MALRD1: variants seen among roughly 807,000 people sequenced by gnomAD.
MALRD1 encodes the protein MAM and LDL receptor class A domain containing 1, also known as MAM and LDL-receptor class A domain-containing protein 1.
MALRD1 carries 247 observed loss-of-function variants against 242.1 expected under a neutral mutation model. The ratio of observed to expected loss-of-function variants is 1.02; its 90% CI spans 0.92 to 1.13. The LOEUF is 1.13. Among genes scored for constraint, MALRD1 ranks in the 50% most tolerant of loss-of-function variants. The probability of loss-of-function intolerance (pLI) is 0.00; values close to 1 mark genes in which losing one functional copy is unlikely to be tolerated. For missense variants in MALRD1, 2,989 were observed against 2,533.1 expected (o/e 1.18, Z -3.86); for synonymous variants, 995 against 866.6 (o/e 1.15, Z -2.60).
chr10:19,324,211 T>A, intron 22 of MALRD1, 106 bp downstream of exon 22: 1 of 1,095,188 alleles, frequency 9.1e-7, no homozygotes, highest in Non-Finnish European at 1.3e-6. Context: ...AATGGACAAT[T>A]ACCAACACTT....
intron 38 of MALRD1, among the ~76,000 whole-genome samples, chr10:19,727,713 A>T (rs1055239811): frequency 1.3e-5 from 2 of 152,012 alleles, no homozygotes; most frequent in Admixed American, 1.3e-4. Context: ...GGGAAAAAAA[A>T]TCAACTGCTT....
At chr10:19,332,364 A>G (rs1735100625) in intron 24 of MALRD1, among the ~76,000 whole-genome samples, 1 of 151,944 alleles carries the variant, frequency 6.6e-6, no homozygotes, top group South Asian at 2.1e-4. Context: ...AGACAAAGTG[A>G]TCTCTCAAGG....
chr10:19,224,621 G>A (rs1837708058), intron 18 of MALRD1, among the ~76,000 whole-genome samples: 1 of 152,122 alleles, frequency 6.6e-6, no homozygotes, highest in East Asian at 1.9e-4. Flanking sequence ...ATGTTTATTG[G>A]CCGCATAAAT....
chr10:19,488,965 G>A lies in MALRD1; in HGVS notation c.5030-2552G>A, dbSNP rs182221105. 287 of 431,488 alleles carry A rather than the reference G, an allele frequency of 6.7e-4. 1 individual carries two copies. Among genetic ancestry groups the A allele is most frequent in the African/African-American group, 5.5e-3 (273 of 49,288 alleles). The allele number at this position is 431,488 out of a possible 1,614,324, so 26.7% of individuals were successfully genotyped here. ...CGTGTACTGAAAAAATTTAGCGGGG[G>A]CGGAGGAGAAGGCGGGCTCCCAATC... On this transcript the variant is annotated intron_variant, in intron 29 of 39. Coordinates refer to ENST00000454679, the MANE Select transcript of MALRD1 (RefSeq NM_001142308.3).
chr10:19,071,877 C>A (rs1835159166), intron 2 of MALRD1, among the ~76,000 whole-genome samples: 1 of 152,054 alleles, frequency 6.6e-6, no homozygotes, highest in African/African-American at 2.4e-5. Flanking sequence ...AATTTAATGT[C>A]CATTTATTCC....
chr10:19,721,552 G>A (rs1177757226), intron 38 of MALRD1: 1 of 151,544 alleles, frequency 6.6e-6, no homozygotes, highest in Non-Finnish European at 1.5e-5. Flanking sequence ...TCTCTCCCTA[G>A]TAGTAACAAA....
At position 19,567,534 on chromosome 10, in the gene MALRD1, C is replaced by A; in HGVS notation, c.5511C>A (p.Ile1837=). 8.4e-6 allele frequency: 13 copies of A among 1,550,278 alleles called. No homozygotes were observed. The highest frequency in any genetic ancestry group is 1.0e-5 in the Non-Finnish European group (12 of 1,146,900). The change falls in exon 33 of 40, where the codon ATC becomes ATA. Residue 1837 remains isoleucine, a synonymous_variant. Transcript: ENST00000454679. The part of the protein sequence containing the change: ...VYTIEESGLN[I]LVWSVIGNKR... Reference sequence around the variant, plus strand: ...CCATTGAAGAATCGGGGCTAAACATCCTGGTGTGGTCAGTGATTGGAAATA... The same window carrying A: ...CCATTGAAGAATCGGGGCTAAACATACTGGTGTGGTCAGTGATTGGAAATA...
At chr10:19,505,726 T>C (rs905902751) in intron 31 of MALRD1, among the ~76,000 whole-genome samples, 5 of 152,204 alleles carry the variant, frequency 3.3e-5, no homozygotes, top group African/African-American at 1.2e-4. Context: ...TTTCAACCAA[T>C]GATCACTGCT....
chr10:19,235,582 G>GAGAGAGAGAGAC (rs1838280207), intron 18 of MALRD1, among the ~76,000 whole-genome samples: 1 of 71,824 alleles, frequency 1.4e-5, no homozygotes, highest in Non-Finnish European at 3.2e-5. Flanking sequence ...CACCCACAGA[G>GAGAGAGAGAGAC]AGAGAGAGAG....
intron 18 of MALRD1, among the ~76,000 whole-genome samples, chr10:19,216,211 A>G (rs1837309966): frequency 6.9e-6 from 1 of 145,594 alleles, no homozygotes; most frequent in East Asian, 2.0e-4. Flanking sequence ...TCTGCCTCCC[A>G]AGGTCAAGTG....
chr10:19,315,557 T>C lies in MALRD1; in HGVS notation c.3420-8392T>C, dbSNP rs1321895735. ...ATATAAATATATAAAAATATAAATA[T>C]TATTTATATAAATATATAAATTATA... is the stretch of plus-strand genomic sequence containing the variant. On this transcript the variant is annotated intron_variant, in intron 21 of 39. Coordinates refer to ENST00000454679, the MANE Select transcript of MALRD1 (RefSeq NM_001142308.3). Among the ~76,000 whole-genome samples, 23 of 103,944 alleles carry C rather than the reference T, an allele frequency of 2.2e-4. 1 individual carries two copies. In the East Asian group the frequency reaches 6.0e-3, roughly 27 times the overall value. 68.2% of individuals were successfully genotyped at this position (103,944 alleles called of 152,430 possible). A position where few individuals can be genotyped will look rare whatever the true frequency, so the allele number is the denominator to read the frequency against.
At chr10:19,103,802 T>C (rs963847587) in intron 4 of MALRD1, among the ~76,000 whole-genome samples, 177 bp from the exon 5 acceptor site, 1 of 152,160 alleles carries the variant, frequency 6.6e-6, no homozygotes, top group African/African-American at 2.4e-5. Flanking sequence ...ACCCTGCATT[T>C]CTTTGTTTTT....
rs113549940 is a variant in MALRD1 at position 19,732,482 on chromosome 10, C to G, written c.6391-1675C>G. The stretch of plus-strand genomic sequence containing the variant: ...TTCATCATGTTGGCCAGGCTGATCT[C>G]AAACTCCTGACCTTAGGTGATCCGC... On this transcript the variant is annotated intron_variant, in intron 39 of 39. Transcript: ENST00000454679. Among the ~76,000 whole-genome samples, 1,312 of 152,238 alleles carry G rather than the reference C, an allele frequency of 8.6e-3. 20 individuals carry two copies. Among genetic ancestry groups the G allele is most frequent in the African/African-American group, 0.03 (1,251 of 41,536 alleles).
At chr10:19,201,054 AG>A (rs1836516081) in intron 14 of MALRD1, among the ~76,000 whole-genome samples, 1 of 152,150 alleles carries the variant, frequency 6.6e-6, no homozygotes, top group Non-Finnish European at 1.5e-5. Flanking sequence ...ATGATAACTG[AG>A]AAAGTCAATA....
chr10:19,688,734 C>T (rs897088966), intron 36 of MALRD1, among the ~76,000 whole-genome samples: 1 of 152,214 alleles, frequency 6.6e-6, no homozygotes, highest in East Asian at 1.9e-4. Context: ...GGAACTTCAA[C>T]ACACCGTTCT....
At chr10:19,386,721 TACACAC>T (rs10687440) in intron 26 of MALRD1, among the ~76,000 whole-genome samples, 5 of 148,902 alleles carry the variant, frequency 3.4e-5, no homozygotes, top group Admixed American at 2.0e-4. Context: ...CATATACATA[TACACAC>T]ACACACACAC....
chr10:19,249,261 T>G (rs1839200641), intron 18 of MALRD1, among the ~76,000 whole-genome samples: 1 of 151,654 alleles, frequency 6.6e-6, no homozygotes, highest in Non-Finnish European at 1.5e-5. Context: ...ATGGCAAAAC[T>G]GTATAAATGT....
chr10:19,283,700 A>C (rs1259056294), intron 21 of MALRD1, among the ~76,000 whole-genome samples: 1 of 152,154 alleles, frequency 6.6e-6, no homozygotes, highest in Non-Finnish European at 1.5e-5. Context: ...TTCTCAATAA[A>C]TCATGCCATT....
At chr10:19,262,545 A>G (rs998664910) in intron 19 of MALRD1, among the ~76,000 whole-genome samples, 1 of 151,854 alleles carries the variant, frequency 6.6e-6, no homozygotes, top group Admixed American at 6.6e-5. Flanking sequence ...AATCCCAGCT[A>G]CTTAGGAGGC....
Sources: gnomAD v4.1 joint callset for allele counts (sites outside exome capture counted in the v4.1 genomes callset) on GRCh38, gnomAD v4.1.1 for gene constraint, MANE v1.5 for transcripts, NCBI Gene and HGNC (gene_info 2026-07-23, HGNC 2026-07-21) for gene names.